Variants in LYVE1 observed in about 807,000 individuals in gnomAD.
LYVE1 encodes the protein lymphatic vessel endothelial hyaluronic acid receptor 1.
LYVE1 carries 29 observed loss-of-function variants against 31.5 expected under a neutral mutation model. That is an observed-to-expected ratio of 0.92 (90% confidence interval 0.69 to 1.26). The LOEUF (loss-of-function observed/expected upper bound fraction) is 1.26. Ranked by LOEUF, LYVE1 falls within the 50% of genes most tolerant of loss-of-function variation. The probability of loss-of-function intolerance (pLI) is 0.00; values close to 1 mark genes in which losing one functional copy is unlikely to be tolerated. For synonymous variants in LYVE1, 134 were observed against 139.4 expected, an observed-to-expected ratio of 0.96 and a Z score of 0.27; for missense variants, 376 against 380.2, an observed-to-expected ratio of 0.99 and a Z score of 0.09.
intron 3 of LYVE1, 145 bp downstream of exon 3, chr11:10,563,795 C>T (rs1450880521): frequency 9.5e-7 from 1 of 1,050,302 alleles, no homozygotes; most frequent in Non-Finnish European, 1.4e-6. Flanking sequence ...CACCCCTAGC[C>T]TGGCCAGAGA....
intron 5 of LYVE1, 34 bp from the exon 6 acceptor site, chr11:10,559,331 C>T (rs911118191): frequency 1.2e-5 from 19 of 1,561,710 alleles, no homozygotes; most frequent in Non-Finnish European, 1.6e-5. Context: ...AAGTGAGAGA[C>T]TCTCACACAT....
At chr11:10,564,639 TA>T (rs1564879195) in intron 1 of LYVE1, among the ~76,000 whole-genome samples, 1 of 152,164 alleles carries the variant, frequency 6.6e-6, no homozygotes, top group East Asian at 1.9e-4. Context: ...TTGCTCACCA[TA>T]TAGGGGCTTT....
chr11:10,560,862 C>T, intron 3 of LYVE1, 62 bp from the exon 4 acceptor site: 1 of 1,367,762 alleles, frequency 7.3e-7, no homozygotes, highest in Non-Finnish European at 1.0e-6. Context: ...GTTCTTCTTG[C>T]CTCTAGTCTT....
At position 10,563,562 on chromosome 11, in the gene LYVE1, G is replaced by T. The variant is rs138874800; in HGVS notation, c.397+378C>A. Reference sequence around the variant, plus strand: ...ATCTGTAGATTTTTGTATATGATGGGGTGCCGGAACCAATCTCCCACTGAC... The same window carrying T: ...ATCTGTAGATTTTTGTATATGATGGTGTGCCGGAACCAATCTCCCACTGAC... On this transcript the variant is annotated intron_variant, in intron 3 of 5. Coordinates refer to ENST00000256178, the MANE Select transcript of LYVE1 (RefSeq NM_006691.4). Among the ~76,000 whole-genome samples the T allele has an allele frequency of 9.2e-5, 14 of 152,158 alleles. No homozygotes were observed. In the East Asian group the frequency reaches 2.7e-3, roughly 29 times the overall value.
Position 10,568,540 on chromosome 11 carries a change from A to G in LYVE1, c.-8T>C. The stretch of plus-strand genomic sequence containing the variant: ...GCTGAAGCACCTGGCCATCGTGCCT[A>G]CCCCTTCAGAGCCAGGGAAACACCT... On this transcript the variant is annotated 5_prime_UTR_variant, in exon 1 of 6. Transcript: ENST00000256178. 1.2e-6 allele frequency: 2 copies of G among 1,612,638 alleles called. No homozygotes were observed. The highest frequency in any genetic ancestry group is 1.7e-6 in the Non-Finnish European group (2 of 1,179,288).
At chr11:10,566,438 T>C (rs918343561) in intron 1 of LYVE1, among the ~76,000 whole-genome samples, 35 of 152,196 alleles carry the variant, frequency 2.3e-4, no homozygotes, top group African/African-American at 6.3e-4. Flanking sequence ...AATGACACTG[T>C]TTTACCTTTC....
chr11:10,557,932 GA>G lies in LYVE1; in HGVS notation c.*1178del, dbSNP rs1244762300. The stretch of plus-strand genomic sequence containing the variant: ...TGCATCTCTCAGTCCCTTCTTGTTG[GA>G]AAAAGGAGGGCTAGTGATACATTTG... On this transcript the variant is annotated 3_prime_UTR_variant, in exon 6 of 6. Coordinates refer to ENST00000256178, the MANE Select transcript of LYVE1 (RefSeq NM_006691.4). 4 of 152,196 alleles carry G rather than the reference GA, an allele frequency of 2.6e-5. No individual in the cohort carries two copies. In the East Asian group the frequency reaches 7.7e-4, roughly 29 times the overall value. The allele number at this position is 152,196 out of a possible 1,614,324, so 9.4% of individuals were successfully genotyped here.
At chr11:10,560,091 A>G (rs1020195120) in intron 4 of LYVE1, among the ~76,000 whole-genome samples, 197 bp from the exon 5 acceptor site, 1 of 152,158 alleles carries the variant, frequency 6.6e-6, no homozygotes, top group Non-Finnish European at 1.5e-5. Context: ...CACACTCTCA[A>G]TTCTATCAGT....
intron 1 of LYVE1, among the ~76,000 whole-genome samples, chr11:10,567,389 T>C (rs1850564116): frequency 6.6e-6 from 1 of 152,210 alleles, no homozygotes; most frequent in Non-Finnish European, 1.5e-5. Context: ...TGTCCAATAG[T>C]TTGAATAATG....
At chr11:10,566,359 C>T (rs979055532) in intron 1 of LYVE1, among the ~76,000 whole-genome samples, 10 of 152,182 alleles carry the variant, frequency 6.6e-5, no homozygotes, top group African/African-American at 2.2e-4. Context: ...ATCCACCCAC[C>T]TCGGCCTCCT....
Position 10,559,796 on chromosome 11 carries a change from C to A in LYVE1, c.782+20G>T. On this transcript the variant is annotated intron_variant, in intron 5 of 5. Coordinates refer to ENST00000256178, the MANE Select transcript of LYVE1 (RefSeq NM_006691.4). Reference sequence around the variant, plus strand: ...AACATGACAAAGATTACAAGACTAGCAGTGCACCAACAACCCTACCTTTTG... The same window carrying A: ...AACATGACAAAGATTACAAGACTAGAAGTGCACCAACAACCCTACCTTTTG... 1 of 1,607,270 alleles carries A rather than the reference C, an allele frequency of 6.2e-7. No homozygotes were observed. Among genetic ancestry groups the A allele is most frequent in the Non-Finnish European group, 8.5e-7 (1 of 1,173,884 alleles).
At chr11:10,564,609 T>C (rs1850499311) in intron 1 of LYVE1, among the ~76,000 whole-genome samples, 1 of 152,138 alleles carries the variant, frequency 6.6e-6, no homozygotes, top group South Asian at 2.1e-4. Context: ...ATCTATCCCA[T>C]CCCACTGCAT....
chr11:10,568,450 T>C lies in LYVE1; in HGVS notation c.83A>G (p.Glu28Gly). ...RLLVQGSLRA[E>G]ELSIQVSCRI... Reference sequence around the variant, plus strand: ...TGGAAATCTGGTGAGAAACCTACCTTCTGCACGCAAAGAGCCTTGGACCAG... The same window carrying C: ...TGGAAATCTGGTGAGAAACCTACCTCCTGCACGCAAAGAGCCTTGGACCAG... Residue 28 changes from glutamate to glycine, a missense_variant and splice_region_variant, in exon 1 of 6, where the codon GAA becomes GGA. Physicochemically the swap from Glu to Gly is moderately conservative, Grantham distance 98 (BLOSUM62 -2). Coordinates refer to ENST00000256178, the MANE Select transcript of LYVE1 (RefSeq NM_006691.4). 1 of 1,613,860 alleles carries C rather than the reference T, an allele frequency of 6.2e-7. No homozygotes were observed. The highest frequency in any genetic ancestry group is 8.5e-7 in the Non-Finnish European group (1 of 1,179,832).
At chr11:10,568,166 A>G (rs1449736057) in intron 1 of LYVE1, among the ~76,000 whole-genome samples, 1 of 152,240 alleles carries the variant, frequency 6.6e-6, no homozygotes, top group East Asian at 1.9e-4. Flanking sequence ...CATACAAAAA[A>G]GAGTAAAAAT....
chr11:10,568,585 T>C lies in LYVE1; in HGVS notation c.-53A>G. The C allele has an allele frequency of 3.1e-6, 5 of 1,588,466 alleles. No homozygotes were observed. The highest frequency in any genetic ancestry group is 4.3e-6 in the Non-Finnish European group (5 of 1,165,604). Reference sequence around the variant, plus strand: ...ACACCTCAGATGGCCACTGGTGATATGAGAGGCAGATGCTCAATAACTAGT... The same window carrying C: ...ACACCTCAGATGGCCACTGGTGATACGAGAGGCAGATGCTCAATAACTAGT... On this transcript the variant is annotated 5_prime_UTR_variant, in exon 1 of 6. Coordinates refer to ENST00000256178, the MANE Select transcript of LYVE1 (RefSeq NM_006691.4).
At chr11:10,564,539 C>T (rs1850497932) in intron 1 of LYVE1, among the ~76,000 whole-genome samples, 165 bp from the exon 2 acceptor site, 1 of 152,172 alleles carries the variant, frequency 6.6e-6, no homozygotes, top group South Asian at 2.1e-4. Flanking sequence ...CCACAAGGAC[C>T]ATCTGCTGGG....
rs1474026565 is a variant in LYVE1 at position 10,556,980 on chromosome 11, C to T, written c.*2131G>A. The stretch of plus-strand genomic sequence containing the variant: ...TGTTTTTTTTTTTTCAGCTAACACA[C>T]AGAGGGAAGATCACTACTTAGGCGC... On this transcript the variant is annotated 3_prime_UTR_variant, in exon 6 of 6. Transcript: ENST00000256178. 6.6e-6 allele frequency: 1 copy of T among 150,704 alleles called. No individual in the cohort carries two copies. Among genetic ancestry groups the T allele is most frequent in the Admixed American group, 6.6e-5 (1 of 15,084 alleles). 9.3% of individuals were successfully genotyped at this position (150,704 alleles called of 1,614,324 possible). A position where few individuals can be genotyped will look rare whatever the true frequency, so the allele number is the denominator to read the frequency against.
At chr11:10,560,898 AG>A in intron 3 of LYVE1, 98 bp from the exon 4 acceptor site, 1 of 960,568 alleles carries the variant, frequency 1.0e-6, no homozygotes, top group South Asian at 1.6e-5. Context: ...CTTATACCGC[AG>A]CTGGAATGGT....
chr11:10,564,456 C>G, intron 1 of LYVE1, 82 bp from the exon 2 acceptor site: 3 of 1,293,804 alleles, frequency 2.3e-6, no homozygotes, highest in Non-Finnish European at 2.2e-6. Context: ...CAGAGTATAT[C>G]GTCCTGATGC....
Sources: allele counts gnomAD v4.1 joint callset (sites outside exome capture counted in the v4.1 genomes callset), GRCh38; gene constraint gnomAD v4.1.1; transcripts MANE v1.5; gene names NCBI Gene and HGNC (gene_info 2026-07-23, HGNC 2026-07-21).